PPP3CA: variants seen among roughly 807,000 people sequenced by gnomAD.
PPP3CA encodes protein phosphatase 3 catalytic subunit alpha, also known as CAM-PRP catalytic subunit.
In PPP3CA, 14 loss-of-function variants were observed where a neutral mutation model predicts 66.5. The ratio of observed to expected loss-of-function variants is 0.21; its 90% CI spans 0.14 to 0.33. PPP3CA has a LOEUF of 0.33. Ranked by LOEUF, PPP3CA falls within the 10% of genes least tolerant of loss-of-function variation. PPP3CA has a pLI of 1.00. For synonymous variants in PPP3CA, 232 were observed against 226.2 expected, an observed-to-expected ratio of 1.03 and a Z score of -0.23; for missense variants, 317 against 639.5, an observed-to-expected ratio of 0.50 and a Z score of 5.44.
At chr4:101,090,798 T>C (rs1729885071) in intron 6 of PPP3CA, among the ~76,000 whole-genome samples, 1 of 151,276 alleles carries the variant, frequency 6.6e-6, no homozygotes, top group Admixed American at 6.6e-5. Flanking sequence ...TTTACAAATA[T>C]ATACACACGT....
At chr4:101,199,387 C>T (rs1425803817) in intron 1 of PPP3CA, among the ~76,000 whole-genome samples, 3 of 152,200 alleles carry the variant, frequency 2.0e-5, no homozygotes, top group Admixed American at 2.0e-4. Flanking sequence ...CAGGCCAGGA[C>T]TAGAGAAATT....
At chr4:101,196,843 A>G (rs1381264791) in intron 1 of PPP3CA, among the ~76,000 whole-genome samples, 2 of 152,146 alleles carry the variant, frequency 1.3e-5, no homozygotes, top group Non-Finnish European at 1.5e-5. Context: ...CATCTTCTTA[A>G]CAGCAAGAAG....
At chr4:101,219,427 T>C (rs944330235) in intron 1 of PPP3CA, among the ~76,000 whole-genome samples, 2 of 151,944 alleles carry the variant, frequency 1.3e-5, no homozygotes, top group Admixed American at 6.6e-5. Context: ...AAAACTAGCA[T>C]GGAGGCAAAG....
At chr4:101,065,158 C>CT (rs1728629457) in intron 8 of PPP3CA, among the ~76,000 whole-genome samples, 1 of 150,902 alleles carries the variant, frequency 6.6e-6, no homozygotes, top group South Asian at 2.1e-4. Context: ...TTACATGATG[C>CT]TAAAAACATG....
chr4:101,298,841 C>CTGTG (rs57507050), intron 1 of PPP3CA, among the ~76,000 whole-genome samples: 4,093 of 140,012 alleles, frequency 0.029, 83 homozygotes, highest in Non-Finnish European at 0.043. Flanking sequence ...CAAGGGTCTA[C>CTGTG]TGTGTGTGTG....
chr4:101,189,742 C>T (rs1366301633), intron 2 of PPP3CA, among the ~76,000 whole-genome samples: 1 of 107,710 alleles, frequency 9.3e-6, no homozygotes, highest in Admixed American at 9.2e-5. Flanking sequence ...AGCTTTAAAA[C>T]AAAAACAACT....
intron 2 of PPP3CA, among the ~76,000 whole-genome samples, chr4:101,113,288 C>T (rs1371489016): frequency 6.6e-6 from 1 of 152,098 alleles, no homozygotes; most frequent in Non-Finnish European, 1.5e-5. Flanking sequence ...CACTAACAAG[C>T]TCTTGGATCT....
chr4:101,038,353 T>C (rs946539674), intron 11 of PPP3CA, among the ~76,000 whole-genome samples: 1 of 152,044 alleles, frequency 6.6e-6, no homozygotes, highest in African/African-American at 2.4e-5. Flanking sequence ...CATGTAGTTA[T>C]TTAGCACACA....
intron 1 of PPP3CA, among the ~76,000 whole-genome samples, chr4:101,201,132 A>T (rs911783575): frequency 6.6e-6 from 1 of 152,234 alleles, no homozygotes; most frequent in Non-Finnish European, 1.5e-5. Context: ...TACTAAAATT[A>T]ATTCCAACTA....
chr4:101,282,547 TAGTGTTTGACTCAC>T (rs1727718903), intron 1 of PPP3CA, among the ~76,000 whole-genome samples: 3 of 152,208 alleles, frequency 2.0e-5, no homozygotes, highest in Admixed American at 2.0e-4. Context: ...TGTGTCAAGG[TAGTGTTTGACTCAC>T]ACTCATTCTG....
At chr4:101,323,823 G>A (rs1003624849) in intron 1 of PPP3CA, among the ~76,000 whole-genome samples, 1 of 152,006 alleles carries the variant, frequency 6.6e-6, no homozygotes, top group Admixed American at 6.6e-5. Context: ...CAAGAAAATG[G>A]AGGCACAAGG....
chr4:101,157,866 C>CAAAAAA (rs770632810), intron 2 of PPP3CA, among the ~76,000 whole-genome samples: 2 of 48,858 alleles, frequency 4.1e-5, no homozygotes, highest in African/African-American at 7.7e-5. Context: ...CCTTAGGAGG[C>CAAAAAA]AAAAAAAAAA....
chr4:101,047,602 G>A (rs963046422), intron 10 of PPP3CA, among the ~76,000 whole-genome samples: 1 of 151,638 alleles, frequency 6.6e-6, no homozygotes, highest in Non-Finnish European at 1.5e-5. Flanking sequence ...TTTTACTCCA[G>A]TGCATTATAA....
chr4:101,101,908 A>G (rs951936386), intron 3 of PPP3CA, among the ~76,000 whole-genome samples: 4 of 152,118 alleles, frequency 2.6e-5, no homozygotes, highest in African/African-American at 9.7e-5. Flanking sequence ...GAACTTTGTA[A>G]CCCCACTCAA....
chr4:101,275,861 GT>G (rs35746779), intron 1 of PPP3CA, among the ~76,000 whole-genome samples: 14 of 144,606 alleles, frequency 9.7e-5, no homozygotes, highest in East Asian at 8.0e-4. Flanking sequence ...TGTATGTGTG[GT>G]TTTTTTTTTG....
At chr4:101,043,524 T>C (rs1312456115) in intron 10 of PPP3CA, among the ~76,000 whole-genome samples, 1 of 150,544 alleles carries the variant, frequency 6.6e-6, no homozygotes, top group Non-Finnish European at 1.5e-5. Context: ...CCATAAATAG[T>C]GAATCACAAC....
At chr4:101,171,056 AT>A in intron 2 of PPP3CA, 3 of 355,062 alleles carry the variant, frequency 8.4e-6, no homozygotes, top group Non-Finnish European at 5.6e-6. Flanking sequence ...TTACTATCAC[AT>A]TTTTCCAAGT....
chr4:101,232,436 T>A (rs974891161), intron 1 of PPP3CA, among the ~76,000 whole-genome samples: 23 of 151,714 alleles, frequency 1.5e-4, no homozygotes, highest in African/African-American at 5.6e-4. Flanking sequence ...AAAAAAAAAT[T>A]GTAGCTACTT....
At chr4:101,151,066 A>C (rs1378690611) in intron 2 of PPP3CA, among the ~76,000 whole-genome samples, 1 of 152,240 alleles carries the variant, frequency 6.6e-6, no homozygotes, top group Non-Finnish European at 1.5e-5. Context: ...TTAGAATCAT[A>C]TAACTTCATT....
Sources: allele counts gnomAD v4.1 joint callset (sites outside exome capture counted in the v4.1 genomes callset), GRCh38; gene constraint gnomAD v4.1.1; transcripts MANE v1.5; gene names NCBI Gene and HGNC (gene_info 2026-07-23, HGNC 2026-07-21).